Variants in PCED1B observed in about 807,000 individuals in gnomAD.
PCED1B encodes PC-esterase domain containing 1B, also known as PC-esterase domain-containing protein 1B.
For missense variants in PCED1B, 573 were observed against 573.9 expected (o/e 1.00, Z 0.02); for synonymous variants, 251 against 246.1 (o/e 1.02, Z -0.19).
intron 2 of PCED1B, among the ~76,000 whole-genome samples, chr12:47,161,732 A>G (rs894815297): frequency 1.3e-5 from 2 of 152,214 alleles, no homozygotes; most frequent in African/African-American, 2.4e-5. Flanking sequence ...AGAACTAGAA[A>G]TACCATTTGA....
At chr12:47,150,556 C>CA (rs1208553047) in intron 2 of PCED1B, among the ~76,000 whole-genome samples, 2 of 149,018 alleles carry the variant, frequency 1.3e-5, no homozygotes, top group African/African-American at 5.0e-5. Context: ...GCAGTCTGGG[C>CA]AACAGAGTGA....
At chr12:47,136,792 A>G (rs1422218620) in intron 2 of PCED1B, among the ~76,000 whole-genome samples, 1 of 152,118 alleles carries the variant, frequency 6.6e-6, no homozygotes, top group Non-Finnish European at 1.5e-5. Flanking sequence ...TATTAGGCAA[A>G]TTTTTAAGTA....
intron 2 of PCED1B, among the ~76,000 whole-genome samples, chr12:47,157,053 A>T (rs1373250588): frequency 2.0e-5 from 3 of 152,150 alleles, no homozygotes; most frequent in Non-Finnish European, 4.4e-5. Flanking sequence ...GAGGACAGAG[A>T]CCATGTCTTT....
At chr12:47,157,340 GTAC>G (rs560481099) in intron 2 of PCED1B, among the ~76,000 whole-genome samples, 5 of 152,298 alleles carry the variant, frequency 3.3e-5, no homozygotes, top group Admixed American at 3.3e-4. Context: ...TGTAATCTCA[GTAC>G]TTTGGGAGAC....
At chr12:47,207,103 AC>A (rs1942935193) in intron 2 of PCED1B, among the ~76,000 whole-genome samples, 1 of 152,290 alleles carries the variant, frequency 6.6e-6, no homozygotes, top group African/African-American at 2.4e-5. Context: ...ATGTAGAGTT[AC>A]CCTGTGGTCT....
chr12:47,209,632 G>A (rs1943017731), intron 2 of PCED1B: 2 of 152,190 alleles, frequency 1.3e-5, no homozygotes, highest in African/African-American at 2.4e-5. Flanking sequence ...TACTCAGTAG[G>A]TGTTCATTGT....
chr12:47,132,037 C>T (rs1011996267), intron 2 of PCED1B, among the ~76,000 whole-genome samples: 4 of 152,132 alleles, frequency 2.6e-5, no homozygotes, highest in African/African-American at 9.7e-5. Context: ...GGCAGATGAC[C>T]TGGCCAGTAA....
At chr12:47,183,522 C>T (rs9888420) in intron 2 of PCED1B, among the ~76,000 whole-genome samples, 40,285 of 151,890 alleles carry the variant, frequency 0.27, 5,730 homozygotes, top group East Asian at 0.55. Flanking sequence ...AGAAGTTTAA[C>T]AATAAAGAAA....
rs566445440 is a variant in PCED1B, at chr12:47,096,699, T to A, written c.-608-7414T>A. 7.9e-5 allele frequency among the ~76,000 whole-genome samples: 12 copies of A among 152,286 alleles called. No individual in the cohort carries two copies. In the South Asian group the frequency reaches 2.5e-3, roughly 32 times the overall value. The stretch of plus-strand genomic sequence containing the variant: ...CCAATATTTAAAAGTAGACTTTTCG[T>A]TAAAAGGATATTACAGATATTACTT... On this transcript the variant is annotated intron_variant, in intron 1 of 3. Transcript: ENST00000546455.
chr12:47,100,134 G>C (rs1335751544), intron 1 of PCED1B, among the ~76,000 whole-genome samples: 1 of 152,186 alleles, frequency 6.6e-6, no homozygotes, highest in Non-Finnish European at 1.5e-5. Flanking sequence ...TTTTCATTCA[G>C]AAAGGAACAC....
chr12:47,197,305 G>T (rs1356303976), intron 2 of PCED1B, among the ~76,000 whole-genome samples: 3 of 149,282 alleles, frequency 2.0e-5, no homozygotes, highest in Non-Finnish European at 4.4e-5. Flanking sequence ...AAAAGTCATT[G>T]CATATTAAAA....
chr12:47,112,868 C>T (rs1461635317), intron 2 of PCED1B, among the ~76,000 whole-genome samples: 2 of 152,176 alleles, frequency 1.3e-5, no homozygotes, highest in African/African-American at 4.8e-5. Context: ...AGTAAAGAGC[C>T]TCAGCCTGCA....
chr12:47,208,955 ATAACT>A (rs1224432337), intron 2 of PCED1B: 5 of 152,206 alleles, frequency 3.3e-5, no homozygotes, highest in South Asian at 2.1e-4. Flanking sequence ...TCTACCAAAA[ATAACT>A]TAACAACAAC....
intron 2 of PCED1B, among the ~76,000 whole-genome samples, chr12:47,137,197 A>G (rs1940408966): frequency 6.6e-6 from 1 of 152,212 alleles, no homozygotes. Flanking sequence ...ATTTCCCATG[A>G]TATGAATATA....
chr12:47,233,579 G>T (rs1012487685), intron 3 of PCED1B, among the ~76,000 whole-genome samples: 6 of 152,160 alleles, frequency 3.9e-5, no homozygotes, highest in East Asian at 1.9e-4. Flanking sequence ...TTGTAGTAAG[G>T]TCTATTTATG....
intron 2 of PCED1B, among the ~76,000 whole-genome samples, chr12:47,129,560 C>T (rs1376527309): frequency 6.6e-6 from 1 of 151,800 alleles, no homozygotes; most frequent in Non-Finnish European, 1.5e-5. Flanking sequence ...TTCAGAATGG[C>T]ATGCCCCTCT....
chr12:47,144,868 A>G (rs1320220483), intron 2 of PCED1B, among the ~76,000 whole-genome samples: 1 of 152,154 alleles, frequency 6.6e-6, no homozygotes, highest in Non-Finnish European at 1.5e-5. Context: ...ACATAACAAT[A>G]TTGAAATTAG....
At chr12:47,231,974 A>G (rs1431045366) in intron 3 of PCED1B, among the ~76,000 whole-genome samples, 1 of 152,188 alleles carries the variant, frequency 6.6e-6, no homozygotes, top group Non-Finnish European at 1.5e-5. Flanking sequence ...CTAGACTTTC[A>G]CAGTTTATGG....
intron 2 of PCED1B, among the ~76,000 whole-genome samples, chr12:47,110,064 T>C (rs766838844): frequency 1.3e-5 from 2 of 152,228 alleles, no homozygotes; most frequent in Non-Finnish European, 1.5e-5. Flanking sequence ...GCCTGAATGG[T>C]TGGCTTGGAA....
Sources: gnomAD v4.1 joint callset for allele counts (sites outside exome capture counted in the v4.1 genomes callset) on GRCh38, gnomAD v4.1.1 for gene constraint, MANE v1.5 for transcripts, NCBI Gene and HGNC (gene_info 2026-07-23, HGNC 2026-07-21) for gene names.